LHFPL3: variants seen among roughly 807,000 people sequenced by gnomAD.
The protein encoded by LHFPL3 is LHFPL tetraspan subfamily member 3 protein.
In LHFPL3, 5 loss-of-function variants were observed where a neutral mutation model predicts 19.3. The ratio of observed to expected loss-of-function variants is 0.26; its 90% CI spans 0.14 to 0.54. LHFPL3 has a LOEUF of 0.54. Among genes scored for constraint, LHFPL3 ranks in the 20% least tolerant of loss-of-function variants. The pLI, the probability that LHFPL3 is intolerant of heterozygous loss-of-function variation, is 0.94. For synonymous variants in LHFPL3, 133 were observed against 126.2 expected (o/e 1.05, Z -0.36); for missense variants, 249 against 307.4 (o/e 0.81, Z 1.42).
chr7:104,413,217 T>C (rs1791565396), intron 1 of LHFPL3, among the ~76,000 whole-genome samples: 1 of 152,164 alleles, frequency 6.6e-6, no homozygotes, highest in African/African-American at 2.4e-5. Flanking sequence ...CCAGGTAGTG[T>C]TGACCTGCTT....
intron 1 of LHFPL3, among the ~76,000 whole-genome samples, chr7:104,554,874 C>T (rs1388522545): frequency 6.6e-6 from 1 of 152,182 alleles, no homozygotes; most frequent in East Asian, 1.9e-4. Flanking sequence ...GGCCTGAGAA[C>T]ACAGGGGGAC....
intron 1 of LHFPL3, among the ~76,000 whole-genome samples, chr7:104,478,219 C>A (rs1424323089): frequency 6.6e-6 from 1 of 151,876 alleles, no homozygotes; most frequent in Non-Finnish European, 1.5e-5. Context: ...TATGAGTCTC[C>A]GTTGTTTTAA....
chr7:104,389,338 G>A (rs748226030), intron 1 of LHFPL3, among the ~76,000 whole-genome samples: 10 of 152,112 alleles, frequency 6.6e-5, no homozygotes, highest in South Asian at 2.1e-4. Flanking sequence ...CTTGCAGACC[G>A]AAAACTACAA....
intron 1 of LHFPL3, among the ~76,000 whole-genome samples, chr7:104,439,544 A>G (rs1792176322): frequency 6.6e-6 from 1 of 152,184 alleles, no homozygotes; most frequent in Non-Finnish European, 1.5e-5. Flanking sequence ...AAAATACCAT[A>G]TGATTATCTC....
intron 1 of LHFPL3, among the ~76,000 whole-genome samples, chr7:104,485,490 C>T (rs1291865305): frequency 6.7e-6 from 1 of 150,022 alleles, no homozygotes; most frequent in Admixed American, 6.6e-5. Context: ...TTCTGGAATA[C>T]TTTGTGCACC....
chr7:104,620,891 TA>T (rs1339852033), intron 1 of LHFPL3, among the ~76,000 whole-genome samples: 1 of 152,232 alleles, frequency 6.6e-6, no homozygotes, highest in African/African-American at 2.4e-5. Context: ...TTCAAGGCCG[TA>T]AGGCTGGAGA....
chr7:104,584,022 A>G (rs1232510481), intron 1 of LHFPL3, among the ~76,000 whole-genome samples: 3 of 152,120 alleles, frequency 2.0e-5, no homozygotes, highest in Non-Finnish European at 2.9e-5. Context: ...TGTTTATTGC[A>G]GCATTATTCA....
At chr7:104,478,629 T>G (rs1046282671) in intron 1 of LHFPL3, among the ~76,000 whole-genome samples, 2 of 152,198 alleles carry the variant, frequency 1.3e-5, no homozygotes, top group African/African-American at 2.4e-5. Flanking sequence ...TCCCTGGATC[T>G]TCTTTGAATG....
chr7:104,572,169 CTATT>C (rs1790242753), intron 1 of LHFPL3, among the ~76,000 whole-genome samples: 1 of 152,218 alleles, frequency 6.6e-6, no homozygotes, highest in Non-Finnish European at 1.5e-5. Context: ...AGATTTGAAT[CTATT>C]TGTGTTGGTG....
At chr7:104,411,712 G>A (rs565115670) in intron 1 of LHFPL3, among the ~76,000 whole-genome samples, 1 of 152,192 alleles carries the variant, frequency 6.6e-6, no homozygotes, top group South Asian at 2.1e-4. Flanking sequence ...AGGACACACA[G>A]CACATACACG....
At chr7:104,496,063 C>T (rs188769622) in intron 1 of LHFPL3, among the ~76,000 whole-genome samples, 2 of 152,156 alleles carry the variant, frequency 1.3e-5, no homozygotes, top group Admixed American at 6.5e-5. Context: ...TGGTGTGCTG[C>T]ACCCATTAAC....
At chr7:104,639,397 G>A (rs1236571494) in intron 1 of LHFPL3, among the ~76,000 whole-genome samples, 1 of 152,074 alleles carries the variant, frequency 6.6e-6, no homozygotes, top group Non-Finnish European at 1.5e-5. Context: ...ATTGTTATTT[G>A]TATTTCTGTG....
intron 1 of LHFPL3, among the ~76,000 whole-genome samples, chr7:104,490,767 G>A (rs1793326860): frequency 6.6e-6 from 1 of 152,140 alleles, no homozygotes; most frequent in Admixed American, 6.5e-5. Flanking sequence ...TCTTTTTTCA[G>A]ATAGGGCAAT....
At chr7:104,526,263 C>CA (rs1389764564) in intron 1 of LHFPL3, among the ~76,000 whole-genome samples, 3 of 151,976 alleles carry the variant, frequency 2.0e-5, no homozygotes, top group Non-Finnish European at 4.4e-5. Flanking sequence ...GTTGGTTTTC[C>CA]AAAAGAAAGA....
At chr7:104,410,277 C>T (rs567700503) in intron 1 of LHFPL3, among the ~76,000 whole-genome samples, 9 of 152,210 alleles carry the variant, frequency 5.9e-5, no homozygotes, top group South Asian at 2.1e-4. Context: ...GGATTACAAG[C>T]GCCTGCCACC....
chr7:104,871,801 G>C (rs1791842917), intron 2 of LHFPL3, among the ~76,000 whole-genome samples: 1 of 151,864 alleles, frequency 6.6e-6, no homozygotes, highest in African/African-American at 2.4e-5. Flanking sequence ...TAGGATTACA[G>C]GCATATGCCA....
chr7:104,408,373 A>G (rs1248683792), intron 1 of LHFPL3, among the ~76,000 whole-genome samples: 2 of 141,308 alleles, frequency 1.4e-5, no homozygotes, highest in Admixed American at 7.1e-5. Flanking sequence ...TTTTTTTTCT[A>G]GATTGGATCC....
intron 1 of LHFPL3, among the ~76,000 whole-genome samples, chr7:104,518,330 G>A (rs1035401179): frequency 1.3e-5 from 2 of 152,030 alleles, no homozygotes; most frequent in African/African-American, 4.8e-5. Context: ...TTGCTTTAGA[G>A]AAGTATGATA....
chr7:104,522,171 A>G (rs941366737), intron 1 of LHFPL3, among the ~76,000 whole-genome samples: 18 of 152,260 alleles, frequency 1.2e-4, no homozygotes, highest in African/African-American at 4.1e-4. Context: ...GATTAAGAAA[A>G]TGTGGCACAT....
Sources: allele counts gnomAD v4.1 joint callset (sites outside exome capture counted in the v4.1 genomes callset), GRCh38; gene constraint gnomAD v4.1.1; transcripts MANE v1.5; gene names NCBI Gene and HGNC (gene_info 2026-07-23, HGNC 2026-07-21).